Variants in DIAPH2 observed in about 807,000 individuals in gnomAD.
The protein encoded by DIAPH2 is protein diaphanous homolog 2.
Under a neutral mutation model 92.7 loss-of-function variants are expected in DIAPH2, and 35 were observed. The observed-to-expected ratio is 0.38, with a 90% CI of 0.29 to 0.50. The LOEUF is 0.50. Among genes scored for constraint, DIAPH2 ranks in the 20% least tolerant of loss-of-function variants. DIAPH2 has a pLI of 0.94. For missense variants in DIAPH2, 701 were observed against 819.5 expected, an observed-to-expected ratio of 0.86 and a Z score of 1.77; for synonymous variants, 301 against 280.4, an observed-to-expected ratio of 1.07 and a Z score of -0.73.
intron 4 of DIAPH2, among the ~76,000 whole-genome samples, chrX:96,815,859 A>C (rs763557134): frequency 1.8e-5 from 2 of 110,688 alleles, no homozygotes; most frequent in African/African-American, 6.6e-5. Flanking sequence ...TAGTGGAGAC[A>C]GGGTTTCACC....
At chrX:97,479,876 G>A (rs918250379) in intron 26 of DIAPH2, among the ~76,000 whole-genome samples, 80 of 110,506 alleles carry the variant, frequency 7.2e-4, no homozygotes, top group African/African-American at 2.4e-3. Context: ...TTAGAAATTA[G>A]ACATCCCATT....
chrX:97,500,767 T>TATATATATATCC (rs1330883565), intron 26 of DIAPH2, among the ~76,000 whole-genome samples: 39 of 13,433 alleles, frequency 2.9e-3, no homozygotes, highest in Non-Finnish European at 4.6e-3. Context: ...CAAGGAGATA[T>TATATATATATCC]ATATATATAT....
At chrX:97,155,378 G>A (rs899672777) in intron 22 of DIAPH2, among the ~76,000 whole-genome samples, 1 of 110,035 alleles carries the variant, frequency 9.1e-6, no homozygotes, top group African/African-American at 3.3e-5. Flanking sequence ...GCACCCACCT[G>A]TAATCCCAGC....
At chrX:96,954,026 T>G (rs180679727) in intron 15 of DIAPH2, 1 of 111,233 alleles carries the variant, frequency 9.0e-6, no homozygotes, top group East Asian at 2.8e-4. Context: ...ATCCAGAAGG[T>G]TTCATGATAA....
intron 16 of DIAPH2, 65 bp downstream of exon 16, chrX:96,958,213 AT>A: frequency 1.8e-6 from 2 of 1,121,620 alleles, no homozygotes; most frequent in Non-Finnish European, 2.4e-6. Flanking sequence ...ATGTGTACAC[AT>A]TGTATAATGT....
chrX:97,025,410 G>A (rs1405086239), intron 17 of DIAPH2, among the ~76,000 whole-genome samples: 3 of 109,144 alleles, frequency 2.7e-5, no homozygotes, highest in African/African-American at 6.7e-5. Context: ...CCAGCACTTC[G>A]GGAGGCTGAG....
chrX:97,006,781 A>G (rs1183951285), intron 17 of DIAPH2, among the ~76,000 whole-genome samples: 1 of 111,582 alleles, frequency 9.0e-6, no homozygotes, highest in African/African-American at 3.3e-5. Context: ...GTTATTATTG[A>G]TAAGTAAGGA....
chrX:97,566,010 C>T (rs982464623), intron 26 of DIAPH2, among the ~76,000 whole-genome samples: 2 of 112,117 alleles, frequency 1.8e-5, no homozygotes, highest in East Asian at 2.8e-4. Context: ...AGTACTATGA[C>T]GTCACACCCT....
chrX:96,939,682 TGA>T (rs2065690058), intron 12 of DIAPH2, among the ~76,000 whole-genome samples: 1 of 55,323 alleles, frequency 1.8e-5, no homozygotes, highest in Non-Finnish European at 3.4e-5. Flanking sequence ...TTTTTTTTTT[TGA>T]GACGGAGTTT....
chrX:97,236,998 C>T (rs1037955536), intron 22 of DIAPH2, among the ~76,000 whole-genome samples: 1 of 111,775 alleles, frequency 8.9e-6, no homozygotes, highest in Non-Finnish European at 1.9e-5. Flanking sequence ...TGTTTTCTAC[C>T]TGTTTGTTCT....
rs2067845723 is a variant in DIAPH2, at chrX:97,212,205, C to T, written c.2720-35510C>T. 3.6e-5 allele frequency among the ~76,000 whole-genome samples: 4 copies of T among 111,392 alleles called. No homozygotes were observed. In the Admixed American group the frequency reaches 3.8e-4, roughly 11 times the overall value. On this transcript the variant is annotated intron_variant, in intron 22 of 26. Coordinates refer to ENST00000324765, the MANE Select transcript of DIAPH2 (RefSeq NM_006729.5). ...TGCCTTCTATTGAAAATAAAATATCCCTTCAGCATCTAAAATGTCACTTGA... is the reference window on the plus strand; with the variant it reads ...TGCCTTCTATTGAAAATAAAATATCTCTTCAGCATCTAAAATGTCACTTGA...
intron 26 of DIAPH2, among the ~76,000 whole-genome samples, chrX:97,481,365 G>T (rs944738819): frequency 2.7e-5 from 3 of 111,193 alleles, no homozygotes; most frequent in African/African-American, 9.8e-5. Flanking sequence ...CAGGGTGGGG[G>T]TCGATTGATG....
chrX:97,159,104 A>G (rs181445215), intron 22 of DIAPH2, among the ~76,000 whole-genome samples: 1 of 111,791 alleles, frequency 8.9e-6, no homozygotes, highest in East Asian at 2.8e-4. Context: ...CTGAACAAAA[A>G]TTTTATTATA....
intron 23 of DIAPH2, among the ~76,000 whole-genome samples, chrX:97,317,855 TTTTAA>T (rs1368272251): frequency 8.9e-6 from 1 of 111,881 alleles, no homozygotes; most frequent in Non-Finnish European, 1.9e-5. Flanking sequence ...AATTGACACA[TTTTAA>T]TTTATTTATG....
rs997577203 is a variant in DIAPH2, at chrX:97,149,821, T to A, written c.2719+8027T>A. Among the ~76,000 whole-genome samples the A allele has an allele frequency of 4.6e-5, 5 of 107,987 alleles. No homozygotes were observed. The South Asian group carries it at 1.2e-3, about 26-fold the overall frequency. 93.8% of individuals were successfully genotyped at this position (107,987 alleles called of 115,157 possible). ...TATCAATAGCAACACCATAAATATG[T>A]TATAAAATTTAGGGGAACGTTGTTA... On this transcript the variant is annotated intron_variant, in intron 22 of 26. Transcript: ENST00000324765.
chrX:97,463,746 A>G (rs780484723), intron 26 of DIAPH2, among the ~76,000 whole-genome samples: 11 of 110,987 alleles, frequency 9.9e-5, no homozygotes, highest in Non-Finnish European at 2.1e-4. Context: ...TACTATTACT[A>G]TATTCCCTTT....
At chrX:96,755,316 T>C (rs1272104283) in intron 3 of DIAPH2, among the ~76,000 whole-genome samples, 1 of 111,975 alleles carries the variant, frequency 8.9e-6, no homozygotes, top group East Asian at 2.8e-4. Context: ...GCAATTTGTC[T>C]ACTTTTGAGG....
intron 23 of DIAPH2, among the ~76,000 whole-genome samples, chrX:97,285,713 C>T (rs2068536472): frequency 9.0e-6 from 1 of 110,883 alleles, no homozygotes; most frequent in Non-Finnish European, 1.9e-5. Context: ...TCTCCCACCT[C>T]GGCCTCCCGA....
At chrX:96,767,952 T>C (rs956949418) in intron 4 of DIAPH2, among the ~76,000 whole-genome samples, 3 of 112,217 alleles carry the variant, frequency 2.7e-5, no homozygotes, top group Admixed American at 9.5e-5. Flanking sequence ...TCTCTAGAAA[T>C]AGCAAACAGA....
Sources: allele counts gnomAD v4.1 joint callset (sites outside exome capture counted in the v4.1 genomes callset), GRCh38; gene constraint gnomAD v4.1.1; transcripts MANE v1.5; gene names NCBI Gene and HGNC (gene_info 2026-07-23, HGNC 2026-07-21).